ADGRL2: variants seen among roughly 807,000 people sequenced by gnomAD.
ADGRL2 encodes adhesion G protein-coupled receptor L2, also known as calcium-independent alpha-latrotoxin receptor 2.
A neutral mutation model predicts 157.4 loss-of-function variants in ADGRL2; 44 were observed. The observed-to-expected ratio is 0.28, with a 90% CI of 0.22 to 0.36. The LOEUF is 0.36. ADGRL2 is among the 10% of genes least tolerant of loss of function. ADGRL2 has a pLI of 1.00. For synonymous variants in ADGRL2, 585 were observed against 624.7 expected (o/e 0.94, Z 0.95); for missense variants, 1,510 against 1,768.9 (o/e 0.85, Z 2.63).
intron 2 of ADGRL2, among the ~76,000 whole-genome samples, chr1:81,766,845 A>C (rs201866055): frequency 1.7e-5 from 1 of 59,036 alleles, no homozygotes; most frequent in African/African-American, 8.9e-5. Context: ...AAAAAAAAAA[A>C]GGAAAAAAAA....
intron 2 of ADGRL2, among the ~76,000 whole-genome samples, chr1:81,781,189 T>C (rs1340274047): frequency 6.6e-6 from 1 of 152,140 alleles, no homozygotes; most frequent in African/African-American, 2.4e-5. Flanking sequence ...GTATGTTTGT[T>C]GAAGGAATTA....
chr1:81,683,799 T>G (rs1207672739), intron 3 of ADGRL2, among the ~76,000 whole-genome samples: 2 of 151,940 alleles, frequency 1.3e-5, no homozygotes, highest in African/African-American at 4.8e-5. Context: ...TGTGCAAGTG[T>G]CTTTTTTGAA....
intron 3 of ADGRL2, among the ~76,000 whole-genome samples, chr1:81,685,361 A>C (rs2083207423): frequency 1.3e-5 from 2 of 150,852 alleles, no homozygotes; most frequent in African/African-American, 4.9e-5. Context: ...CTCCTTTGTT[A>C]GGTATATTGC....
intron 3 of ADGRL2, among the ~76,000 whole-genome samples, chr1:81,600,913 T>C (rs1212062398): frequency 6.6e-6 from 1 of 152,202 alleles, no homozygotes; most frequent in Non-Finnish European, 1.5e-5. Flanking sequence ...GGATCTATCA[T>C]CTAAAGTCTT....
chr1:81,697,385 T>A (rs530353934), upstream of ADGRL2, among the ~76,000 whole-genome samples: 7 of 152,366 alleles, frequency 4.6e-5, no homozygotes, highest in Non-Finnish European at 8.8e-5. Flanking sequence ...TTATTCTCAT[T>A]ATCTAGGGTT....
chr1:81,754,534 T>C (rs1408319711), intron 1 of ADGRL2, among the ~76,000 whole-genome samples: 1 of 140,676 alleles, frequency 7.1e-6, no homozygotes, highest in African/African-American at 2.6e-5. Context: ...TCTTTCTCTT[T>C]CTTTCTTTCC....
chr1:81,454,135 T>C (rs2077754603), intron 2 of ADGRL2, among the ~76,000 whole-genome samples: 1 of 152,154 alleles, frequency 6.6e-6, no homozygotes, highest in East Asian at 1.9e-4. Context: ...CAGGGCATTA[T>C]TGGCTCAGTC....
At chr1:81,601,024 T>G (rs2081323980) in intron 3 of ADGRL2, among the ~76,000 whole-genome samples, 1 of 152,166 alleles carries the variant, frequency 6.6e-6, no homozygotes, top group South Asian at 2.1e-4. Context: ...GTAATGAGTG[T>G]GCTTCCATCC....
rs751035135 is a variant in ADGRL2, at chr1:81,987,373, A to C, written c.3637+344A>C. 4 of 1,335,068 alleles carry C rather than the reference A, an allele frequency of 3.0e-6. No homozygotes were observed. In the East Asian group the frequency reaches 6.9e-5, roughly 23 times the overall value. 82.7% of individuals were successfully genotyped at this position (1,335,068 alleles called of 1,614,324 possible). A position where few individuals can be genotyped will look rare whatever the true frequency, so the allele number is the denominator to read the frequency against. ...TATCTATATAATATACTGTTCAGTT[A>C]ATTCTAAAGCTTGCTGACAAAATTT... On this transcript the variant is annotated intron_variant, in intron 22 of 23. Transcript: ENST00000686636.
intron 1 of ADGRL2, among the ~76,000 whole-genome samples, chr1:81,306,668 G>A (rs1236388349): frequency 6.6e-6 from 1 of 152,096 alleles, no homozygotes; most frequent in African/African-American, 2.4e-5. Context: ...AGGTACAATT[G>A]TTTAAGTGCT....
chr1:81,421,669 G>A (rs2077126939), intron 1 of ADGRL2, among the ~76,000 whole-genome samples: 1 of 151,828 alleles, frequency 6.6e-6, no homozygotes, highest in African/African-American at 2.4e-5. Flanking sequence ...AGATACTGAA[G>A]GTAACCACAC....
intron 1 of ADGRL2, among the ~76,000 whole-genome samples, chr1:81,326,262 A>G (rs927773411): frequency 1.3e-5 from 2 of 152,198 alleles, no homozygotes; most frequent in Non-Finnish European, 2.9e-5. Context: ...AGTCTTCAGT[A>G]ATAATTGTGT....
chr1:81,505,381 G>A (rs377250166), intron 2 of ADGRL2, among the ~76,000 whole-genome samples: 3,762 of 150,732 alleles, frequency 0.025, 109 homozygotes, highest in African/African-American at 0.066. Flanking sequence ...TCTTTCTCAG[G>A]GGTTTGGTCA....
intron 1 of ADGRL2, among the ~76,000 whole-genome samples, chr1:81,701,778 C>T (rs773778145): frequency 6.6e-6 from 1 of 152,218 alleles, no homozygotes; most frequent in Admixed American, 6.5e-5. Context: ...TTCTGTTAGA[C>T]ACTGCAAAGC....
chr1:81,423,329 A>T (rs1382442450), intron 1 of ADGRL2, among the ~76,000 whole-genome samples: 1 of 152,222 alleles, frequency 6.6e-6, no homozygotes, highest in Non-Finnish European at 1.5e-5. Flanking sequence ...ATTTAGGGGC[A>T]TTAGAGGGTG....
At chr1:81,326,301 C>T (rs1362358390) in intron 1 of ADGRL2, among the ~76,000 whole-genome samples, 4 of 152,138 alleles carry the variant, frequency 2.6e-5, no homozygotes, top group Non-Finnish European at 5.9e-5. Flanking sequence ...AGGAATAGTA[C>T]CTATCACATT....
chr1:81,984,399 C>A, intron 19 of ADGRL2, 184 bp from the exon 20 acceptor site: 1 of 522,148 alleles, frequency 1.9e-6, no homozygotes, highest in Non-Finnish European at 3.3e-6. Context: ...GACAGAGATA[C>A]TTTTCTGATT....
At chr1:81,712,120 C>T (rs1030249534) in intron 1 of ADGRL2, among the ~76,000 whole-genome samples, 6 of 152,008 alleles carry the variant, frequency 3.9e-5, no homozygotes, top group Non-Finnish European at 8.8e-5. Context: ...GACATCTCAA[C>T]CATATGGTTT....
chr1:81,807,174 G>A (rs2089268445), intron 1 of ADGRL2, among the ~76,000 whole-genome samples: 1 of 151,992 alleles, frequency 6.6e-6, no homozygotes, highest in Non-Finnish European at 1.5e-5. Context: ...CTGAAAAGGA[G>A]TTGAAGTTCT....
Sources: allele counts gnomAD v4.1 joint callset (sites outside exome capture counted in the v4.1 genomes callset), GRCh38; gene constraint gnomAD v4.1.1; transcripts MANE v1.5; gene names NCBI Gene and HGNC (gene_info 2026-07-23, HGNC 2026-07-21).